The following SLC36A1 variants were observed in gnomAD, a reference collection of about 807,000 sequenced individuals.
SLC36A1 encodes the protein solute carrier family 36 member 1, also known as proton-coupled amino acid transporter 1.
Under a neutral mutation model 47.5 loss-of-function variants are expected in SLC36A1, and 30 were observed. The observed-to-expected ratio is 0.63, with a 90% CI of 0.47 to 0.86. The LOEUF (loss-of-function observed/expected upper bound fraction) is 0.86. SLC36A1 is among the 40% of genes least tolerant of loss of function. The pLI is 0.00. For synonymous variants in SLC36A1, 255 were observed against 249.7 expected (o/e 1.02, Z -0.20); for missense variants, 517 against 606.0 (o/e 0.85, Z 1.54).
At chr5:151,423,037 C>G in the SLC36A1 span, among the ~76,000 whole-genome samples, 3 of 152,192 alleles carry the variant, frequency 2.0e-5, no homozygotes, top group Non-Finnish European at 2.9e-5. Context: ...AAAAGATGCT[C>G]CACATCATAT....
chr5:151,373,414 A>G, the SLC36A1 span, among the ~76,000 whole-genome samples: 1 of 152,240 alleles, frequency 6.6e-6, no homozygotes, highest in Non-Finnish European at 1.5e-5. Context: ...GGAAAAAGAC[A>G]TTTAGATACA....
the SLC36A1 span, among the ~76,000 whole-genome samples, chr5:151,499,975 C>T: frequency 1.3e-5 from 2 of 152,070 alleles, no homozygotes; most frequent in African/African-American, 4.8e-5. Context: ...CTCTTAAGGT[C>T]CAGCCCCAAA....
the SLC36A1 span, among the ~76,000 whole-genome samples, chr5:151,372,182 C>A: frequency 6.6e-6 from 1 of 152,194 alleles, no homozygotes; most frequent in Non-Finnish European, 1.5e-5. Flanking sequence ...AGCACAGAGT[C>A]TCTCAGTTGT....
chr5:151,359,414 C>T, the SLC36A1 span, among the ~76,000 whole-genome samples: 1 of 152,190 alleles, frequency 6.6e-6, no homozygotes, highest in African/African-American at 2.4e-5. Context: ...TTCTCTCTTT[C>T]TCTTCTAGTC....
At chr5:151,531,906 G>C in the SLC36A1 span, 1 of 1,614,248 alleles carries the variant, frequency 6.2e-7, no homozygotes, top group South Asian at 1.1e-5. The surrounding 1 kb of genome is among the most constrained non-coding windows in gnomAD (Gnocchi z 5.7). Flanking sequence ...CCCCCGTGGT[G>C]GCGTCGATGG....
the SLC36A1 span, chr5:151,347,573 G>C: frequency 1.5e-6 from 2 of 1,376,954 alleles, no homozygotes; most frequent in South Asian, 1.2e-5. Flanking sequence ...GTGTGCCCGG[G>C]CTGGCTCTGG....
the SLC36A1 span, among the ~76,000 whole-genome samples, chr5:151,516,003 T>C: frequency 6.6e-6 from 1 of 152,186 alleles, no homozygotes; most frequent in South Asian, 2.1e-4. Flanking sequence ...TACTGTTCCC[T>C]TTACCCACTT....
the SLC36A1 span, among the ~76,000 whole-genome samples, chr5:151,430,616 G>T: frequency 4.6e-5 from 7 of 152,296 alleles, no homozygotes; most frequent in Admixed American, 1.3e-4. Flanking sequence ...GAGCCACCGT[G>T]CCTGTCCGTA....
At chr5:151,501,327 G>A in the SLC36A1 span, among the ~76,000 whole-genome samples, 1 of 151,858 alleles carries the variant, frequency 6.6e-6, no homozygotes, top group Admixed American at 6.5e-5. Flanking sequence ...TGTCTCCCAC[G>A]GGTGTGCCTT....
the SLC36A1 span, among the ~76,000 whole-genome samples, chr5:151,536,901 G>C: frequency 6.6e-6 from 1 of 152,096 alleles, no homozygotes; most frequent in East Asian, 1.9e-4. Context: ...CTCCCTCTCT[G>C]GGCACCAGTT....
the SLC36A1 span, among the ~76,000 whole-genome samples, chr5:151,498,251 G>A: frequency 6.6e-6 from 1 of 152,110 alleles, no homozygotes; most frequent in African/African-American, 2.4e-5. Flanking sequence ...GGCCAGGGGG[G>A]TGGGAATGTC....
the SLC36A1 span, chr5:151,532,046 A>G: frequency 6.4e-7 from 1 of 1,556,666 alleles, no homozygotes; most frequent in South Asian, 1.2e-5. Flanking sequence ...CCCTGCAGCC[A>G]CAGGAGGGGC....
At chr5:151,533,583 A>G in the SLC36A1 span, among the ~76,000 whole-genome samples, 3 of 152,072 alleles carry the variant, frequency 2.0e-5, no homozygotes, top group Non-Finnish European at 4.4e-5. Flanking sequence ...CTGGTGTCAA[A>G]CAGAGCAGGG....
the SLC36A1 span, among the ~76,000 whole-genome samples, chr5:151,553,993 C>T: frequency 1.3e-5 from 2 of 152,180 alleles, no homozygotes; most frequent in South Asian, 2.1e-4. Flanking sequence ...ACAAGAAAGA[C>T]GTTCTTATCT....
rs1759998879 is a variant in SLC36A1, at chr5:151,490,271, A to T, written c.*2017A>T. The T allele has an allele frequency of 6.6e-6, 1 of 152,200 alleles. No individual in the cohort carries two copies. Among genetic ancestry groups the T allele is most frequent in the African/African-American group, 2.4e-5 (1 of 41,440 alleles). The allele number at this position is 152,200 out of a possible 1,614,324, so 9.4% of individuals were successfully genotyped here. A position where few individuals can be genotyped will look rare whatever the true frequency, so the allele number is the denominator to read the frequency against. On this transcript the variant is annotated 3_prime_UTR_variant, in exon 11 of 11. Transcript: ENST00000243389. Reference sequence around the variant, plus strand: ...CTGTCTTCTGAAGTCTCAGGCTTAGAAGTTACCAAAGTGGGCTCAGAAACT... The same window carrying T: ...CTGTCTTCTGAAGTCTCAGGCTTAGTAGTTACCAAAGTGGGCTCAGAAACT...
At chr5:151,462,525 C>T (rs762421619) in intron 2 of SLC36A1, among the ~76,000 whole-genome samples, 11 of 151,884 alleles carry the variant, frequency 7.2e-5, no homozygotes, top group Non-Finnish European at 1.5e-4. Flanking sequence ...CCACCACGCC[C>T]AGCTAATTTT....
chr5:151,532,080 G>T, the SLC36A1 span: 11 of 1,412,004 alleles, frequency 7.8e-6, no homozygotes, highest in South Asian at 2.7e-5. Context: ...CCATGAAGGC[G>T]GACAAGCTGG....
At position 151,479,374 on chromosome 5, in the gene SLC36A1, A is replaced by C. The variant is rs1025832096; in HGVS notation, c.1044A>C (p.Ala348=). The change falls in exon 10 of 11, where the codon GCA becomes GCC. Residue 348 remains alanine (A), a synonymous_variant. Coordinates refer to ENST00000243389, the MANE Select transcript of SLC36A1 (RefSeq NM_078483.4). ...LYSIGIFFTY[A]LQFYVPAEII... ...CCATCGGGATCTTTTTCACCTACGCACTCCAGTTCTACGTCCCGGCTGAGA... is the reference window on the plus strand; with the variant it reads ...CCATCGGGATCTTTTTCACCTACGCCCTCCAGTTCTACGTCCCGGCTGAGA... The C allele has an allele frequency of 1.9e-6, 3 of 1,613,898 alleles. No individual in the cohort carries two copies. In the South Asian group the frequency reaches 3.3e-5, roughly 18 times the overall value.
chr5:151,379,162 G>T, the SLC36A1 span, among the ~76,000 whole-genome samples: 1 of 152,228 alleles, frequency 6.6e-6, no homozygotes, highest in East Asian at 1.9e-4. Context: ...TCTCCTCAAT[G>T]GTGGCAGAAT....
Sources: gnomAD v4.1 joint callset for allele counts (sites outside exome capture counted in the v4.1 genomes callset) on GRCh38, gnomAD v4.1.1 for gene constraint, Gnocchi (gnomAD v3.1) non-coding constraint, MANE v1.5 for transcripts, NCBI Gene and HGNC (gene_info 2026-07-23, HGNC 2026-07-21) for gene names.